C8orf74: variants seen among roughly 807,000 people sequenced by gnomAD.
C8orf74 encodes uncharacterized protein C8orf74.
C8orf74 carries 29 observed loss-of-function variants against 22.2 expected under a neutral mutation model. The observed-to-expected ratio is 1.31, with a 90% CI of 0.97 to 1.78. The LOEUF (loss-of-function observed/expected upper bound fraction) is 1.78. Among genes scored for constraint, C8orf74 ranks in the 40% most tolerant of loss-of-function variants. The pLI, the probability that C8orf74 is intolerant of heterozygous loss-of-function variation, is 0.00. For missense variants in C8orf74, 515 were observed against 369.9 expected, an observed-to-expected ratio of 1.39 and a Z score of -3.22; for synonymous variants, 255 against 163.1, an observed-to-expected ratio of 1.56 and a Z score of -4.30.
At chr8:10,691,180 T>A (rs1799372998) in intron 2 of C8orf74, 1 of 345,602 alleles carries the variant, frequency 2.9e-6, no homozygotes, top group African/African-American at 2.1e-5. Context: ...GCCCAGGGAC[T>A]CCTTCCCTGT....
rs890855544 is a variant in C8orf74, at chr8:10,672,790, G to A, written c.48+77G>A. On this transcript the variant is annotated intron_variant, in intron 1 of 3. Coordinates refer to ENST00000304519, the MANE Select transcript of C8orf74 (RefSeq NM_001040032.2). ...ACATAGGGAGGTGGGCACTGGAAGC[G>A]CCTCTTCAGGAGACCCCGGGGCAGC... is the stretch of plus-strand genomic sequence containing the variant. 37 of 1,357,220 alleles carry A rather than the reference G, an allele frequency of 2.7e-5. No homozygotes were observed. In the East Asian group the frequency reaches 5.3e-4, roughly 19 times the overall value. The allele number at this position is 1,357,220 out of a possible 1,614,324, so 84.1% of individuals were successfully genotyped here.
chr8:10,674,267 G>A (rs1461645703), intron 1 of C8orf74, among the ~76,000 whole-genome samples: 17 of 85,312 alleles, frequency 2.0e-4, no homozygotes, highest in East Asian at 3.5e-4. Context: ...ATACCCTGCA[G>A]CCCCCATATC....
intron 2 of C8orf74, among the ~76,000 whole-genome samples, chr8:10,680,776 C>T (rs369026134): frequency 3.3e-5 from 5 of 152,274 alleles, no homozygotes; most frequent in South Asian, 2.1e-4. Context: ...GGGGCCCAGG[C>T]GGCCAGGGGC....
intron 2 of C8orf74, among the ~76,000 whole-genome samples, chr8:10,685,342 T>A (rs1229423825): frequency 2.0e-5 from 3 of 152,218 alleles, no homozygotes; most frequent in Admixed American, 2.0e-4. Context: ...TGTTTGTACA[T>A]CCATGCTCAT....
intron 3 of C8orf74, among the ~76,000 whole-genome samples, chr8:10,699,262 G>C (rs962902000): frequency 1.3e-5 from 2 of 152,184 alleles, no homozygotes; most frequent in African/African-American, 4.8e-5. Flanking sequence ...GGTGGAGCTG[G>C]TGAGCCAGAG....
At chr8:10,684,563 A>C (rs542050748) in intron 2 of C8orf74, among the ~76,000 whole-genome samples, 7 of 152,222 alleles carry the variant, frequency 4.6e-5, no homozygotes, top group Non-Finnish European at 1.0e-4. Flanking sequence ...CTTAATATGG[A>C]TATTGGTTTA....
intron 2 of C8orf74, 44 bp downstream of exon 2, chr8:10,674,882 G>A: frequency 1.3e-6 from 2 of 1,515,144 alleles, no homozygotes; most frequent in Non-Finnish European, 8.9e-7. Context: ...CTGGCGGGAT[G>A]GGGTGGGTAC....
At chr8:10,684,070 AG>A (rs963551575) in intron 2 of C8orf74, among the ~76,000 whole-genome samples, 11 of 152,252 alleles carry the variant, frequency 7.2e-5, no homozygotes, top group African/African-American at 2.6e-4. Context: ...GGACCAGGGA[AG>A]GGGATGATGA....
Position 10,674,664 on chromosome 8 carries a change from C to G in C8orf74, c.67C>G (p.Arg23Gly), listed in dbSNP as rs778382431. The change falls in exon 2 of 4, where the codon CGC (arginine) becomes GGC (glycine). Residue 23 changes from arginine (R) to glycine (G), a missense_variant. Physicochemically the swap from Arg to Gly is moderately radical, Grantham distance 125 (BLOSUM62 -2). Coordinates refer to ENST00000304519, the MANE Select transcript of C8orf74 (RefSeq NM_001040032.2). ...FQLQRPQGRE[R>G]LRRLLNWEEF... ...CCTGCAGAGACCACAAGGTCGGGAG[C>G]GCCTGCGGAGGCTTCTGAACTGGGA... 2.5e-6 allele frequency: 4 copies of G among 1,608,614 alleles called. No homozygotes were observed. Among genetic ancestry groups the G allele is most frequent in the African/African-American group, 2.7e-5 (2 of 74,684 alleles).
rs180881015 is a variant in C8orf74, at chr8:10,698,587, C to G, written c.648+582C>G. 3.4e-4 allele frequency among the ~76,000 whole-genome samples: 52 copies of G among 152,212 alleles called. 1 individual carries two copies. Among genetic ancestry groups the G allele is most frequent in the Admixed American group, 3.4e-3 (52 of 15,284 alleles). On this transcript the variant is annotated intron_variant, in intron 3 of 3. Coordinates refer to ENST00000304519, the MANE Select transcript of C8orf74 (RefSeq NM_001040032.2). ...GCCAGACCACTGGGGCTCTAGCTGCCAGCATTTCCCATGACCAGCTCTTCA... is the reference window on the plus strand; with the variant it reads ...GCCAGACCACTGGGGCTCTAGCTGCGAGCATTTCCCATGACCAGCTCTTCA...
intron 2 of C8orf74, among the ~76,000 whole-genome samples, chr8:10,676,388 C>G (rs1222191517): frequency 6.6e-6 from 1 of 152,108 alleles, no homozygotes; most frequent in Non-Finnish European, 1.5e-5. Flanking sequence ...TGACCACCCC[C>G]AGGGCCAGCA....
At position 10,700,379 on chromosome 8, in the gene C8orf74, A is replaced by G. The variant is rs1170859467; in HGVS notation, c.793A>G (p.Ile265Val). The change falls in exon 4 of 4, where the codon ATC becomes GTC. Residue 265 changes from isoleucine to valine, a missense_variant. Transcript: ENST00000304519. ...TCTGAACCTCAACGCCCCCACCCCT[A>G]TCCCGCCCCCCATCACCAGCCACGC... is the stretch of plus-strand genomic sequence containing the variant. The part of the protein sequence containing the change: ...KTLNLNAPTP[I>V]PPPITSHAGQ... 6.3e-7 allele frequency: 1 copy of G among 1,592,230 alleles called. No individual in the cohort carries two copies. The highest frequency in any genetic ancestry group is 8.6e-7 in the Non-Finnish European group (1 of 1,165,980).
At chr8:10,672,932 C>G (rs1798948004) in intron 1 of C8orf74, among the ~76,000 whole-genome samples, 1 of 152,152 alleles carries the variant, frequency 6.6e-6, no homozygotes, top group African/African-American at 2.4e-5. Flanking sequence ...CATGCAGGCC[C>G]AGAAGGAGCA....
intron 2 of C8orf74, among the ~76,000 whole-genome samples, chr8:10,682,554 G>A (rs995384842): frequency 2.6e-5 from 4 of 152,192 alleles, no homozygotes; most frequent in African/African-American, 7.2e-5. Flanking sequence ...CTCTGTGTGT[G>A]TCCACATTTT....
At chr8:10,694,267 C>A (rs1799443004) in intron 2 of C8orf74, among the ~76,000 whole-genome samples, 1 of 152,110 alleles carries the variant, frequency 6.6e-6, no homozygotes, top group South Asian at 2.1e-4. Context: ...AATTAATAGA[C>A]AGTAACAATT....
At chr8:10,674,136 C>G (rs1363211349) in intron 1 of C8orf74, among the ~76,000 whole-genome samples, 4 of 144,772 alleles carry the variant, frequency 2.8e-5, no homozygotes, top group African/African-American at 7.8e-5. Context: ...CATATCACAT[C>G]CCACAGACCA....
At chr8:10,693,307 G>T (rs763888176) in intron 2 of C8orf74, among the ~76,000 whole-genome samples, 1 of 152,072 alleles carries the variant, frequency 6.6e-6, no homozygotes, top group African/African-American at 2.4e-5. Flanking sequence ...GTACATCCCA[G>T]CTCCTTTACT....
intron 2 of C8orf74, chr8:10,690,728 A>G: frequency 2.7e-6 from 1 of 377,290 alleles, no homozygotes; most frequent in Middle Eastern, 9.1e-4. Context: ...TGAGGGCCCA[A>G]GGAAGCCACC....
intron 1 of C8orf74, 102 bp downstream of exon 1, chr8:10,672,815 C>A: frequency 2.9e-6 from 3 of 1,022,936 alleles, no homozygotes; most frequent in Non-Finnish European, 4.5e-6. Context: ...CCCGGGGCAG[C>A]CACCCCGGCT....
Sources: allele counts gnomAD v4.1 joint callset (sites outside exome capture counted in the v4.1 genomes callset), GRCh38; gene constraint gnomAD v4.1.1; transcripts MANE v1.5; gene names NCBI Gene and HGNC (gene_info 2026-07-23, HGNC 2026-07-21).